PDCD7: variants seen among roughly 807,000 people sequenced by gnomAD.
PDCD7 encodes programmed cell death protein 7.
A neutral mutation model predicts 42.1 loss-of-function variants in PDCD7; 40 were observed. The observed-to-expected ratio is 0.95, with a 90% CI of 0.74 to 1.24. The LOEUF is 1.24. PDCD7 is among the 50% of genes most tolerant of loss of function. The pLI is 0.00. For missense variants in PDCD7, 644 were observed against 662.8 expected, an observed-to-expected ratio of 0.97 and a Z score of 0.31; for synonymous variants, 299 against 303.3, an observed-to-expected ratio of 0.99 and a Z score of 0.15.
chr15:65,132,869 A>C, intron 1 of PDCD7, 43 bp downstream of exon 1: 1 of 1,593,856 alleles, frequency 6.3e-7, no homozygotes, highest in Non-Finnish European at 8.5e-7. Context: ...TCCAGGTTCC[A>C]ACCACCACCA....
In PDCD7 at chr15:65,133,395, C is replaced by CGGCGGCGGCGGCGCCTCA; in HGVS notation, c.369_386dup (p.Glu124_Pro129dup). 8.4e-7 allele frequency: 1 copy of CGGCGGCGGCGGCGCCTCA among 1,185,090 alleles called. No individual in the cohort carries two copies. The highest frequency in any genetic ancestry group is 1.0e-6 in the Non-Finnish European group (1 of 958,896). The allele number at this position is 1,185,090 out of a possible 1,614,324, so 73.4% of individuals were successfully genotyped here. A position where few individuals can be genotyped will look rare whatever the true frequency, so the allele number is the denominator to read the frequency against. ...GGGCCGCATCCCCGAGCACGTCGGC[C>CGGCGGCGGCGGCGCCTCA]GGCGGCGGCGGCGCCTCAGGCCACC... On this transcript the variant is annotated inframe_insertion, in exon 1 of 5. Transcript: ENST00000204549.
At chr15:65,128,351 C>A (rs1248896810) in intron 2 of PDCD7, among the ~76,000 whole-genome samples, 3 of 152,178 alleles carry the variant, frequency 2.0e-5, no homozygotes, top group Non-Finnish European at 4.4e-5. Flanking sequence ...CTTAAAATGG[C>A]AAAGATGGGA....
intron 2 of PDCD7, among the ~76,000 whole-genome samples, chr15:65,121,272 C>T (rs555062255): frequency 2.0e-5 from 3 of 152,104 alleles, no homozygotes; most frequent in East Asian, 3.9e-4. Context: ...AGGCTGGTCT[C>T]GAACTCCTGA....
At position 65,119,976 on chromosome 15, in the gene PDCD7, G is replaced by A. The variant is rs754532985; in HGVS notation, c.1010-22C>T. The A allele has an allele frequency of 4.4e-6, 7 of 1,585,808 alleles. No homozygotes were observed. The East Asian group carries it at 1.3e-4, about 30-fold the overall frequency. ...ACCCCTGGGCAGACAGGACAAAATG[G>A]CATTTTATTTATTTTTTTTTTTGAG... On this transcript the variant is annotated intron_variant, in intron 2 of 4. Coordinates refer to ENST00000204549, the MANE Select transcript of PDCD7 (RefSeq NM_005707.2).
At chr15:65,132,039 GATACATACATATATATACACACATACAC>G (rs1173350151) in intron 1 of PDCD7, among the ~76,000 whole-genome samples, 3 of 149,400 alleles carry the variant, frequency 2.0e-5, no homozygotes, top group Non-Finnish European at 3.0e-5. Flanking sequence ...TATATACACA[GATACATACATATATATACACACATACAC>G]ATACATACAT....
chr15:65,121,118 C>T (rs757149392), intron 2 of PDCD7, among the ~76,000 whole-genome samples: 18 of 146,028 alleles, frequency 1.2e-4, no homozygotes, highest in Non-Finnish European at 2.4e-4. Flanking sequence ...GGCAATGGTG[C>T]GATCTCAGCT....
In PDCD7 at chr15:65,132,993, C is replaced by T; in HGVS notation, c.789G>A (p.Glu263=). 1 of 1,604,912 alleles carries T rather than the reference C, an allele frequency of 6.2e-7. No homozygotes were observed. The change falls in exon 1 of 5, where the codon GAG becomes GAA. Residue 263 remains glutamate (E), a synonymous_variant. Transcript: ENST00000204549. ...AREREAEREA[E]AARAVEREQE... Reference sequence around the variant, plus strand: ...GCTCGCGTTCCACTGCCCGCGCGGCCTCTGCCTCCCGCTCGGCCTCGCGTT... The same window carrying T: ...GCTCGCGTTCCACTGCCCGCGCGGCTTCTGCCTCCCGCTCGGCCTCGCGTT...
At position 65,132,988 on chromosome 15, in the gene PDCD7, G is replaced by A. The variant is rs1306563878; in HGVS notation, c.794C>T (p.Ala265Val). ...EREAEREAEA[A>V]RAVEREQEID... The stretch of plus-strand genomic sequence containing the variant: ...CTCCTGCTCGCGTTCCACTGCCCGC[G>A]CGGCCTCTGCCTCCCGCTCGGCCTC... The change falls in exon 1 of 5, where the codon GCG becomes GTG. Residue 265 changes from alanine to valine, a missense_variant. Physicochemically the swap from Ala to Val is moderately conservative, Grantham distance 64. Transcript: ENST00000204549. 6.2e-7 allele frequency: 1 copy of A among 1,605,106 alleles called. No homozygotes were observed.
In PDCD7 at chr15:65,133,676, C is replaced by A; in HGVS notation, c.106G>T (p.Ala36Ser). 1 of 1,268,086 alleles carries A rather than the reference C, an allele frequency of 7.9e-7. No individual in the cohort carries two copies. Among genetic ancestry groups the A allele is most frequent in the Non-Finnish European group, 1.0e-6 (1 of 1,001,044 alleles). The allele number at this position is 1,268,086 out of a possible 1,614,324, so 78.6% of individuals were successfully genotyped here. A position where few individuals can be genotyped will look rare whatever the true frequency, so the allele number is the denominator to read the frequency against. The change falls in exon 1 of 5, where the codon GCT becomes TCT. Residue 36 changes from alanine (A) to serine (S), a missense_variant. Coordinates refer to ENST00000204549, the MANE Select transcript of PDCD7 (RefSeq NM_005707.2). ...CGCTGGGGGAGAGGCGGCGGGAAAG[C>A]CGGGGAGGGCAGCGGCGGTGGCGGA... Reference protein sequence around the residue: ...GCPPPPLPSPAFPPPLPQRPG... With the variant: ...GCPPPPLPSPSFPPPLPQRPG...
intron 1 of PDCD7, among the ~76,000 whole-genome samples, chr15:65,132,124 GTATATA>G (rs10570029): frequency 7.1e-6 from 1 of 140,954 alleles, no homozygotes. Context: ...GTATGTATGT[GTATATA>G]TATATATATA....
intron 2 of PDCD7, among the ~76,000 whole-genome samples, chr15:65,125,876 G>A (rs933399319): frequency 2.6e-5 from 4 of 152,160 alleles, no homozygotes; most frequent in African/African-American, 9.7e-5. Flanking sequence ...ACATGGCTGG[G>A]GAGGCTTCAC....
At position 65,118,600 on chromosome 15, in the gene PDCD7, G is replaced by A. The variant is rs1451734767; in HGVS notation, c.*117C>T. ...GAAGGAAAGCATAACTTCAGGGTAGGGGAATGCCACATGGAATTTAGAAGT... is the reference window on the plus strand; with the variant it reads ...GAAGGAAAGCATAACTTCAGGGTAGAGGAATGCCACATGGAATTTAGAAGT... On this transcript the variant is annotated 3_prime_UTR_variant, in exon 5 of 5. Transcript: ENST00000204549. The A allele has an allele frequency of 1.9e-6, 2 of 1,063,534 alleles. No homozygotes were observed. Among genetic ancestry groups the A allele is most frequent in the Non-Finnish European group, 2.6e-6 (2 of 759,336 alleles). The allele number at this position is 1,063,534 out of a possible 1,614,324, so 65.9% of individuals were successfully genotyped here.
intron 1 of PDCD7, among the ~76,000 whole-genome samples, chr15:65,132,369 C>T (rs2087547703): frequency 6.6e-6 from 1 of 151,152 alleles, no homozygotes; most frequent in Non-Finnish European, 1.5e-5. Flanking sequence ...CTGCAACCTC[C>T]GCCTCCAGAG....
chr15:65,132,724 G>C (rs1207193681), intron 1 of PDCD7, among the ~76,000 whole-genome samples, 188 bp downstream of exon 1: 2 of 152,290 alleles, frequency 1.3e-5, no homozygotes, highest in African/African-American at 4.8e-5. Flanking sequence ...AGTGCACCTG[G>C]AACTTTTGTG....
At chr15:65,127,028 C>T (rs900184380) in intron 2 of PDCD7, among the ~76,000 whole-genome samples, 11 of 152,176 alleles carry the variant, frequency 7.2e-5, no homozygotes, top group Admixed American at 1.3e-4. Context: ...TACACACTGA[C>T]GTCACTCAGC....
At chr15:65,128,416 T>G (rs956041279) in intron 2 of PDCD7, among the ~76,000 whole-genome samples, 1 of 152,082 alleles carries the variant, frequency 6.6e-6, no homozygotes, top group Non-Finnish European at 1.5e-5. Context: ...GACAGGCAAA[T>G]GGAAAGCACA....
intron 2 of PDCD7, among the ~76,000 whole-genome samples, chr15:65,126,755 T>TA (rs1322280768): frequency 0.02 from 2,630 of 128,360 alleles, 43 homozygotes; most frequent in African/African-American, 0.055. Context: ...CCCTGTCTTT[T>TA]AAAAAAAAAA....
At chr15:65,120,190 G>A (rs1320491323) in intron 2 of PDCD7, among the ~76,000 whole-genome samples, 2 of 151,832 alleles carry the variant, frequency 1.3e-5, no homozygotes, top group African/African-American at 2.4e-5. Context: ...GTCTCACTCT[G>A]TTGTGCAGGC....
chr15:65,118,961 T>C (rs1415913535), intron 4 of PDCD7, 121 bp from the exon 5 acceptor site: 1 of 645,798 alleles, frequency 1.5e-6, no homozygotes, highest in East Asian at 3.3e-5. Flanking sequence ...ATTACAGAAC[T>C]TGATTTCTAG....
Sources: allele counts gnomAD v4.1 joint callset (sites outside exome capture counted in the v4.1 genomes callset), GRCh38; gene constraint gnomAD v4.1.1; transcripts MANE v1.5; gene names NCBI Gene and HGNC (gene_info 2026-07-23, HGNC 2026-07-21).